The following CACNG3 variants were observed in gnomAD, a reference collection of about 807,000 sequenced individuals.
The protein encoded by CACNG3 is voltage-dependent calcium channel gamma-3 subunit.
A neutral mutation model predicts 28.5 loss-of-function variants in CACNG3; 3 were observed. The ratio of observed to expected loss-of-function variants is 0.11; its 90% confidence interval spans 0.05 to 0.27. The LOEUF is 0.27. Among genes scored for constraint, CACNG3 ranks in the 10% least tolerant of loss-of-function variants. CACNG3 has a pLI of 1.00. For synonymous variants in CACNG3, 174 were observed against 162.2 expected (o/e 1.07, Z -0.55); for missense variants, 236 against 414.4 (o/e 0.57, Z 3.74).
At chr16:24,286,846 T>C (rs769804291) in intron 1 of CACNG3, among the ~76,000 whole-genome samples, 1 of 152,216 alleles carries the variant, frequency 6.6e-6, no homozygotes, top group Non-Finnish European at 1.5e-5. Flanking sequence ...TCTTAACGAC[T>C]GTGTGGGATT....
chr16:24,282,588 T>G (rs1898844234), intron 1 of CACNG3, among the ~76,000 whole-genome samples: 1 of 152,126 alleles, frequency 6.6e-6, no homozygotes, highest in Non-Finnish European at 1.5e-5. Flanking sequence ...TTAACTTTCC[T>G]TCTGTGATTG....
intron 1 of CACNG3, among the ~76,000 whole-genome samples, chr16:24,304,253 A>AT (rs1045923182): frequency 6.6e-6 from 1 of 152,082 alleles, no homozygotes; most frequent in Non-Finnish European, 1.5e-5. Context: ...GAAAAAATAG[A>AT]TTTTTTTGGA....
intron 1 of CACNG3, among the ~76,000 whole-genome samples, chr16:24,337,294 C>T (rs934076192): frequency 2.0e-5 from 3 of 152,148 alleles, no homozygotes; most frequent in South Asian, 4.1e-4. Context: ...AAGAAGCAGC[C>T]GATTTCTCCC....
At chr16:24,299,292 T>C (rs923326694) in intron 1 of CACNG3, among the ~76,000 whole-genome samples, 4 of 152,232 alleles carry the variant, frequency 2.6e-5, no homozygotes, top group Admixed American at 1.3e-4. Flanking sequence ...TACTGCATTG[T>C]TTATTTTATT....
chr16:24,304,923 T>G (rs1438981115), intron 1 of CACNG3, among the ~76,000 whole-genome samples: 1 of 152,214 alleles, frequency 6.6e-6, no homozygotes, highest in East Asian at 1.9e-4. Context: ...GAACAGTGCC[T>G]GGCAAAAACA....
At position 24,348,253 on chromosome 16, in the gene CACNG3, A is replaced by G. The variant is rs949292779; in HGVS notation, c.295+1436A>G. On this transcript the variant is annotated intron_variant, in intron 2 of 3. Transcript: ENST00000005284. ...ACTCTACAGAATTTTTTTTTTTTTA[A>G]TTATCCAGGCATGGTAGTGCACACC... Among the ~76,000 whole-genome samples the G allele has an allele frequency of 9.9e-5, 15 of 151,334 alleles. 1 individual carries two copies. Among genetic ancestry groups the G allele is most frequent in the East Asian group, 1.9e-4 (1 of 5,148 alleles).
intron 3 of CACNG3, among the ~76,000 whole-genome samples, chr16:24,357,519 C>T (rs1900048832): frequency 6.6e-6 from 1 of 152,154 alleles, no homozygotes; most frequent in Non-Finnish European, 1.5e-5. Flanking sequence ...ATTCCTTCCC[C>T]ACTGCTTCGC....
intron 1 of CACNG3, among the ~76,000 whole-genome samples, chr16:24,321,052 T>C (rs1899448464): frequency 6.6e-6 from 1 of 152,176 alleles, no homozygotes; most frequent in Non-Finnish European, 1.5e-5. Flanking sequence ...AGTTTTAAAC[T>C]GCACACTGTT....
chr16:24,295,659 C>T (rs1290119799), intron 1 of CACNG3, among the ~76,000 whole-genome samples: 3 of 151,902 alleles, frequency 2.0e-5, no homozygotes, highest in African/African-American at 7.3e-5. Flanking sequence ...CCAGCCTGGG[C>T]AACATAGTGA....
At chr16:24,329,287 G>A (rs1567220235) in intron 1 of CACNG3, among the ~76,000 whole-genome samples, 1 of 152,166 alleles carries the variant, frequency 6.6e-6, no homozygotes, top group African/African-American at 2.4e-5. Context: ...AAGATGCCCC[G>A]GATAAATGTC....
intron 1 of CACNG3, among the ~76,000 whole-genome samples, chr16:24,321,134 C>T (rs536001947): frequency 6.6e-6 from 1 of 152,320 alleles, no homozygotes; most frequent in East Asian, 1.9e-4. Flanking sequence ...AGTATCCACA[C>T]TGTAGATGCT....
chr16:24,343,134 G>A (rs1000486674), intron 1 of CACNG3, among the ~76,000 whole-genome samples: 5 of 151,922 alleles, frequency 3.3e-5, no homozygotes, highest in Admixed American at 6.6e-5. Flanking sequence ...GGTTGCAGTG[G>A]GCTATGATTA....
At chr16:24,270,947 G>A (rs184894412) in intron 1 of CACNG3, among the ~76,000 whole-genome samples, 2 of 152,318 alleles carry the variant, frequency 1.3e-5, no homozygotes, top group African/African-American at 4.8e-5. Context: ...CTTGAAGCGG[G>A]GAATGTGCCT....
At chr16:24,285,988 C>T (rs922638467) in intron 1 of CACNG3, among the ~76,000 whole-genome samples, 1 of 152,014 alleles carries the variant, frequency 6.6e-6, no homozygotes, top group Non-Finnish European at 1.5e-5. Flanking sequence ...GGACCACAGG[C>T]GCATGCCACC....
intron 2 of CACNG3, among the ~76,000 whole-genome samples, chr16:24,353,917 G>A (rs971003980): frequency 6.6e-6 from 1 of 152,192 alleles, no homozygotes; most frequent in African/African-American, 2.4e-5. Context: ...CTTAGGCCGG[G>A]TGCAGTGGCT....
At chr16:24,353,922 G>GAGGC (rs1899994222) in intron 2 of CACNG3, among the ~76,000 whole-genome samples, 2 of 152,220 alleles carry the variant, frequency 1.3e-5, no homozygotes, top group African/African-American at 4.8e-5. Flanking sequence ...GCCGGGTGCA[G>GAGGC]TGGCTCATGC....
intron 1 of CACNG3, among the ~76,000 whole-genome samples, chr16:24,271,137 C>T (rs1406399866): frequency 3.9e-5 from 6 of 152,334 alleles, no homozygotes; most frequent in Admixed American, 3.3e-4. Flanking sequence ...CTTGAATTCA[C>T]CATGGCTGAG....
At chr16:24,337,069 C>G (rs539937029) in intron 1 of CACNG3, among the ~76,000 whole-genome samples, 4 of 152,190 alleles carry the variant, frequency 2.6e-5, no homozygotes, top group African/African-American at 9.6e-5. Flanking sequence ...CTGCCTTGGC[C>G]TCCAAAAGTG....
At chr16:24,299,295 AT>A (rs1411062481) in intron 1 of CACNG3, among the ~76,000 whole-genome samples, 1 of 152,112 alleles carries the variant, frequency 6.6e-6, no homozygotes, top group Non-Finnish European at 1.5e-5. Flanking sequence ...TGCATTGTTT[AT>A]TTTATTGCTC....
Sources: allele counts gnomAD v4.1 joint callset (sites outside exome capture counted in the v4.1 genomes callset), GRCh38; gene constraint gnomAD v4.1.1; transcripts MANE v1.5; gene names NCBI Gene and HGNC (gene_info 2026-07-23, HGNC 2026-07-21).